Variants in CD300LB observed in about 807,000 individuals in gnomAD.
CD300LB encodes CMRF35-like molecule 7.
Under a neutral mutation model 20.8 loss-of-function variants are expected in CD300LB, and 18 were observed. That is an observed-to-expected ratio of 0.87 (90% CI 0.60 to 1.28). The LOEUF (loss-of-function observed/expected upper bound fraction) is 1.28. CD300LB is among the 50% of genes most tolerant of loss of function. The probability of loss-of-function intolerance (pLI) is 0.00; values close to 1 mark genes in which losing one functional copy is unlikely to be tolerated. For missense variants in CD300LB, 222 were observed against 251.8 expected (o/e 0.88, Z 0.80); for synonymous variants, 91 against 91.3 (o/e 1.00, Z 0.02).
In CD300LB at chr17:74,531,386, G is replaced by T; in HGVS notation, c.-36C>A. On this transcript the variant is annotated 5_prime_UTR_variant, in exon 1 of 4. Coordinates refer to ENST00000392621, the MANE Select transcript of CD300LB (RefSeq NM_174892.4). Reference sequence around the variant, plus strand: ...TCCCGGCTCCTCGTCCGCCTGATCTGCAACCAGTGGCAAATGCAGATCCCA... The same window carrying T: ...TCCCGGCTCCTCGTCCGCCTGATCTTCAACCAGTGGCAAATGCAGATCCCA... The T allele has an allele frequency of 6.2e-7, 1 of 1,612,910 alleles. No homozygotes were observed. The highest frequency in any genetic ancestry group is 8.5e-7 in the Non-Finnish European group (1 of 1,179,440).
At position 74,525,927 on chromosome 17, in the gene CD300LB, G is replaced by A. The variant is rs1398891644; in HGVS notation, c.191C>T (p.Thr64Ile). ...RWDTCKILIETRGSEQGEKSD... is the reference protein window; with the variant it reads ...RWDTCKILIEIRGSEQGEKSD... ...CTTCTCTCCTTGCTCCGACCCTCTG[G>A]TTTCAATGAGGATCTTGCATGTATC... Residue 64 changes from threonine to isoleucine, a missense_variant, in exon 2 of 4, where the codon ACC (threonine) becomes ATC (isoleucine). Thr to Ile is a moderately conservative substitution (Grantham distance 89). Transcript: ENST00000392621. The A allele has an allele frequency of 1.9e-6, 3 of 1,614,062 alleles. No individual in the cohort carries two copies. Among genetic ancestry groups the A allele is most frequent in the Non-Finnish European group, 1.7e-6 (2 of 1,180,026 alleles).
At position 74,527,564 on chromosome 17, in the gene CD300LB, CCT is replaced by C. The variant is rs1306756129; in HGVS notation, c.41-1489_41-1488del. On this transcript the variant is annotated intron_variant, in intron 1 of 3. Coordinates refer to ENST00000392621, the MANE Select transcript of CD300LB (RefSeq NM_174892.4). ...ATACACAGAACCTGCGAATATGTCC[CCT>C]GACATGGCCAGAGGGACTCTGCCGA... is the stretch of plus-strand genomic sequence containing the variant. Among the ~76,000 whole-genome samples the C allele has an allele frequency of 2.0e-5, 3 of 152,346 alleles. No homozygotes were observed. The East Asian group carries it at 5.8e-4, about 29-fold the overall frequency.
chr17:74,527,980 C>T (rs931050804), intron 1 of CD300LB, among the ~76,000 whole-genome samples: 1 of 152,020 alleles, frequency 6.6e-6, no homozygotes, highest in African/African-American at 2.4e-5. Context: ...ATTAGATTCT[C>T]ATAGAAGTGA....
chr17:74,527,089 A>G (rs527509488), intron 1 of CD300LB, among the ~76,000 whole-genome samples: 2 of 152,340 alleles, frequency 1.3e-5, no homozygotes, highest in East Asian at 3.9e-4. Context: ...GCAGAATTGA[A>G]TGCACTTCCT....
chr17:74,522,791 G>A lies in CD300LB; in HGVS notation c.553C>T (p.Gln185Ter). The A allele has an allele frequency of 6.2e-7, 1 of 1,614,186 alleles. No individual in the cohort carries two copies. Among genetic ancestry groups the A allele is most frequent in the Non-Finnish European group, 8.5e-7 (1 of 1,180,026 alleles). Reference protein sequence around the residue: ...SQRVPEEPGEQPIYMNFSEPL... With the variant: ...SQRVPEEPGE ...TCGGAGAAGTTCATGTAGATAGGCT[G>A]TTCCCCTGGCTCCTCAGGGACCCTC... The change falls in exon 4 of 4, where the codon CAG becomes TAG. Residue 185 changes from glutamine to a stop codon, truncating the protein, a stop_gained. Coordinates refer to ENST00000392621, the MANE Select transcript of CD300LB (RefSeq NM_174892.4). LOFTEE classifies it low-confidence loss of function (END_TRUNC).
In CD300LB at chr17:74,522,654, C is replaced by T. The variant is rs529967154; in HGVS notation, c.*84G>A. 1.8e-5 allele frequency: 29 copies of T among 1,572,076 alleles called. No individual in the cohort carries two copies. Among genetic ancestry groups the T allele is most frequent in the Admixed American group, 8.8e-5 (5 of 56,544 alleles). On this transcript the variant is annotated 3_prime_UTR_variant, in exon 4 of 4. Transcript: ENST00000392621. ...GGCCCCTATCTCAGTCACTGCATCC[C>T]GAGGACTCGTAGATGTTCCTTCCAC...
rs1395902605 is a variant in CD300LB, at chr17:74,526,045, TCA to T, written c.71_72del (p.Val24GlufsTer15). ...GTCAGGGACCCCTGCTCTGGGGCTC[TCA>T]CAGACTCTGGGCCTTGGATGGAGAA... ...GCFSIQGPES[V>X]RAPEQGSLTV... On this transcript the variant is annotated frameshift_variant, in exon 2 of 4. Transcript: ENST00000392621. LOFTEE classifies it high-confidence loss of function. 1.2e-6 allele frequency: 2 copies of T among 1,613,948 alleles called. No homozygotes were observed. The highest frequency in any genetic ancestry group is 3.3e-5 in the Admixed American group (2 of 60,022).
Position 74,521,643 on chromosome 17 carries a change from A to G in CD300LB, c.*1095T>C, listed in dbSNP as rs1391861019. The G allele has an allele frequency of 1.0e-5, 10 of 985,342 alleles. No homozygotes were observed. Among genetic ancestry groups the G allele is most frequent in the African/African-American group, 1.7e-5 (1 of 57,220 alleles). 61.0% of individuals were successfully genotyped at this position (985,342 alleles called of 1,614,324 possible). On this transcript the variant is annotated 3_prime_UTR_variant, in exon 4 of 4. Transcript: ENST00000392621. The stretch of plus-strand genomic sequence containing the variant: ...CTGCTGACAGTCAGTACTCCCTATT[A>G]GAACCAAGAGCAGGTTGGAGGCGTC...
chr17:74,528,844 T>A (rs537358395), intron 1 of CD300LB, among the ~76,000 whole-genome samples: 1 of 152,260 alleles, frequency 6.6e-6, no homozygotes, highest in South Asian at 2.1e-4. Flanking sequence ...GACTTGGATG[T>A]GTGTAGGCTG....
rs1378486822 is a variant in CD300LB at position 74,522,470 on chromosome 17, C to T, written c.*268G>A. 3.3e-6 allele frequency: 4 copies of T among 1,200,974 alleles called. No homozygotes were observed. Among genetic ancestry groups the T allele is most frequent in the East Asian group, 4.3e-5 (1 of 23,290 alleles). The allele number at this position is 1,200,974 out of a possible 1,614,324, so 74.4% of individuals were successfully genotyped here. A position where few individuals can be genotyped will look rare whatever the true frequency, so the allele number is the denominator to read the frequency against. On this transcript the variant is annotated 3_prime_UTR_variant, in exon 4 of 4. Coordinates refer to ENST00000392621, the MANE Select transcript of CD300LB (RefSeq NM_174892.4). ...GTTATTCCAGCAGTGGGGACAGAGTCGTCCAGTGCTTGAGCTCCATCTCTA... is the reference window on the plus strand; with the variant it reads ...GTTATTCCAGCAGTGGGGACAGAGTTGTCCAGTGCTTGAGCTCCATCTCTA...
intron 1 of CD300LB, among the ~76,000 whole-genome samples, chr17:74,528,368 C>A (rs1383764459): frequency 6.6e-6 from 1 of 152,206 alleles, no homozygotes; most frequent in Non-Finnish European, 1.5e-5. Context: ...AGTAAGACCA[C>A]GCCAGGCTCT....
chr17:74,527,592 T>C (rs992183952), intron 1 of CD300LB, among the ~76,000 whole-genome samples: 1 of 152,218 alleles, frequency 6.6e-6, no homozygotes, highest in Non-Finnish European at 1.5e-5. Flanking sequence ...ACTCTGCCGA[T>C]GTGATGAAGT....
rs752601560 is a variant in CD300LB, at chr17:74,525,757, C to T, written c.361G>A (p.Val121Ile). The T allele has an allele frequency of 2.3e-5, 37 of 1,612,426 alleles. No homozygotes were observed. Among genetic ancestry groups the T allele is most frequent in the Admixed American group, 1.7e-4 (10 of 59,902 alleles). The change falls in exon 2 of 4, where the codon GTT becomes ATT. Residue 121 changes from valine to isoleucine, a missense_variant. By Grantham distance (29) the Val-to-Ile change is conservative. Transcript: ENST00000392621. ...ATGAGAAAGTTCTTACCTGGGTCAA[C>T]GATCACTTTCACTTGAGTCCCAAGG... ...PDLGTQVKVI[V>I]DPEGAASTTA...
Position 74,521,624 on chromosome 17 carries a change from A to G in CD300LB, c.*1114T>C, listed in dbSNP as rs975046565. ...GTCCCCTCTCCTTTATCCACTGCTGACAGTCAGTACTCCCTATTAGAACCA... is the reference window on the plus strand; with the variant it reads ...GTCCCCTCTCCTTTATCCACTGCTGGCAGTCAGTACTCCCTATTAGAACCA... On this transcript the variant is annotated 3_prime_UTR_variant, in exon 4 of 4. Coordinates refer to ENST00000392621, the MANE Select transcript of CD300LB (RefSeq NM_174892.4). 3 of 985,284 alleles carry G rather than the reference A, an allele frequency of 3.0e-6. No homozygotes were observed. The highest frequency in any genetic ancestry group is 3.6e-6 in the Non-Finnish European group (3 of 829,948). The allele number at this position is 985,284 out of a possible 1,614,324, so 61.0% of individuals were successfully genotyped here. A position where few individuals can be genotyped will look rare whatever the true frequency, so the allele number is the denominator to read the frequency against.
intron 1 of CD300LB, 145 bp from the exon 2 acceptor site, chr17:74,526,222 G>T: frequency 8.9e-7 from 1 of 1,125,348 alleles, no homozygotes; most frequent in Non-Finnish European, 1.3e-6. Context: ...AGCCAGTTTG[G>T]TGTTTAAGAG....
intron 1 of CD300LB, 130 bp downstream of exon 1, chr17:74,531,181 C>A (rs954398707): frequency 1.0e-5 from 11 of 1,060,374 alleles, no homozygotes; most frequent in Non-Finnish European, 1.4e-5. Context: ...CGATGTCAGT[C>A]CCCAGTGCAC....
At position 74,525,817 on chromosome 17, in the gene CD300LB, C is replaced by T; in HGVS notation, c.301G>A (p.Val101Ile). 6.2e-7 allele frequency: 1 copy of T among 1,614,192 alleles called. No individual in the cohort carries two copies. Among genetic ancestry groups the T allele is most frequent in the Non-Finnish European group, 8.5e-7 (1 of 1,180,048 alleles). ...CTTCTTTCAATCCCACACCAGTAAA[C>T]ATCTGCGTCATCTCGCCTGAGCCCC... ...MEGLRRDDAD[V>I]YWCGIERRGP... is the part of the protein sequence containing the mutation. Residue 101 changes from valine to isoleucine, a missense_variant, in exon 2 of 4, where the codon GTT becomes ATT. By Grantham distance (29) the Val-to-Ile change is conservative (BLOSUM62 3). Coordinates refer to ENST00000392621, the MANE Select transcript of CD300LB (RefSeq NM_174892.4).
rs1035458625 is a variant in CD300LB, at chr17:74,522,673, C to A, written c.*65G>T. 1 of 1,597,976 alleles carries A rather than the reference C, an allele frequency of 6.3e-7. No homozygotes were observed. Among genetic ancestry groups the A allele is most frequent in the Admixed American group, 1.7e-5 (1 of 58,752 alleles). On this transcript the variant is annotated 3_prime_UTR_variant, in exon 4 of 4. Coordinates refer to ENST00000392621, the MANE Select transcript of CD300LB (RefSeq NM_174892.4). ...GCATCCCGAGGACTCGTAGATGTTC[C>A]TTCCACAGCCCGAGTCTCTTCTGGA...
At chr17:74,529,831 T>G (rs1908148090) in intron 1 of CD300LB, among the ~76,000 whole-genome samples, 1 of 152,114 alleles carries the variant, frequency 6.6e-6, no homozygotes, top group Admixed American at 6.5e-5. Context: ...CCCAAAAACA[T>G]AAATTGGATT....
Sources: allele counts gnomAD v4.1 joint callset (sites outside exome capture counted in the v4.1 genomes callset), GRCh38; gene constraint gnomAD v4.1.1; transcripts MANE v1.5; gene names NCBI Gene and HGNC (gene_info 2026-07-23, HGNC 2026-07-21).